Variants in PIP4K2A observed in about 807,000 individuals in gnomAD.
PIP4K2A encodes the protein phosphatidylinositol-5-phosphate 4-kinase type 2 alpha, also known as phosphatidylinositol 5-phosphate 4-kinase type-2 alpha.
In PIP4K2A, 14 loss-of-function variants were observed where a neutral mutation model predicts 42.9. The observed-to-expected ratio is 0.33, with a 90% CI of 0.22 to 0.51. The LOEUF (loss-of-function observed/expected upper bound fraction) is 0.51. Ranked by LOEUF, PIP4K2A falls within the 20% of genes least tolerant of loss-of-function variation. The pLI is 0.97. For missense variants in PIP4K2A, 434 were observed against 519.8 expected, an observed-to-expected ratio of 0.83 and a Z score of 1.61; for synonymous variants, 192 against 192.2, an observed-to-expected ratio of 1.00 and a Z score of 0.01.
At chr10:22,590,799 G>A (rs1837492877) in intron 4 of PIP4K2A, among the ~76,000 whole-genome samples, 1 of 152,200 alleles carries the variant, frequency 6.6e-6, no homozygotes, top group Non-Finnish European at 1.5e-5. Flanking sequence ...GAGCCCAGGA[G>A]GTTGAGCATG....
rs1564408843 is a variant in PIP4K2A, at chr10:22,536,713, C to CTAA, written c.*487_*488insTTA. 1.9e-4 allele frequency: 1 copy of CTAA among 5,308 alleles called. No homozygotes were observed. The highest frequency in any genetic ancestry group is 4.7e-4 in the African/African-American group (1 of 2,142). 0.3% of individuals were successfully genotyped at this position (5,308 alleles called of 1,614,324 possible). On this transcript the variant is annotated 3_prime_UTR_variant, in exon 10 of 10. Transcript: ENST00000376573. ...GAATACTGTCTCACATCTTTCAACTCCAAAAAAAAAAAAAAAAAAAAAAAA... is the reference window on the plus strand; with the variant it reads ...GAATACTGTCTCACATCTTTCAACTCTAACAAAAAAAAAAAAAAAAAAAAAAAA...
chr10:22,636,726 T>C (rs963972812), intron 1 of PIP4K2A, among the ~76,000 whole-genome samples: 1 of 152,220 alleles, frequency 6.6e-6, no homozygotes, highest in African/African-American at 2.4e-5. Context: ...TGTGGACGAC[T>C]GCATATTAAC....
intron 3 of PIP4K2A, among the ~76,000 whole-genome samples, chr10:22,607,031 A>C (rs1162237915): frequency 7.6e-6 from 1 of 131,526 alleles, no homozygotes; most frequent in East Asian, 2.2e-4. Context: ...TTGAGCACTT[A>C]ACTGTGGAAT....
At chr10:22,619,645 C>A (rs1191617679) in intron 1 of PIP4K2A, among the ~76,000 whole-genome samples, 1 of 152,024 alleles carries the variant, frequency 6.6e-6, no homozygotes, top group East Asian at 1.9e-4. Context: ...CCATGTTAGC[C>A]AGGCTGGTCT....
At position 22,567,992 on chromosome 10, in the gene PIP4K2A, C is replaced by CACTT. The variant is rs1188949685; in HGVS notation, c.640-104_640-103insAAGT. On this transcript the variant is annotated intron_variant, in intron 5 of 9. Transcript: ENST00000376573. ...CAGGCGGAGCAGAGAGCCAGCTCAGCACCCACTCTGCTTCGCAGCCCATGC... is the reference window on the plus strand; with the variant it reads ...CAGGCGGAGCAGAGAGCCAGCTCAGCACTTACCCACTCTGCTTCGCAGCCCATGC... The CACTT allele has an allele frequency of 2.9e-6, 3 of 1,020,868 alleles. No individual in the cohort carries two copies. In the African/African-American group the frequency reaches 4.7e-5, roughly 16 times the overall value. The allele number at this position is 1,020,868 out of a possible 1,614,324, so 63.2% of individuals were successfully genotyped here.
chr10:22,668,444 T>C (rs1163975996), intron 1 of PIP4K2A, among the ~76,000 whole-genome samples: 3 of 152,206 alleles, frequency 2.0e-5, no homozygotes, highest in Non-Finnish European at 4.4e-5. Flanking sequence ...TGTTTTTTAA[T>C]GGTATGCTAG....
At chr10:22,678,468 G>C (rs146375292) in intron 1 of PIP4K2A, among the ~76,000 whole-genome samples, 1 of 151,770 alleles carries the variant, frequency 6.6e-6, no homozygotes, top group Non-Finnish European at 1.5e-5. Flanking sequence ...TTCCTTTGTC[G>C]TTCTATGGGG....
intron 6 of PIP4K2A, among the ~76,000 whole-genome samples, chr10:22,558,437 A>G (rs1182816244): frequency 2.0e-5 from 3 of 152,228 alleles, no homozygotes; most frequent in Admixed American, 6.5e-5. Flanking sequence ...TTCTGGGGTA[A>G]TAAGAGATGC....
At chr10:22,628,909 A>G (rs764074401) in intron 1 of PIP4K2A, among the ~76,000 whole-genome samples, 33 of 152,180 alleles carry the variant, frequency 2.2e-4, no homozygotes, top group Non-Finnish European at 2.9e-4. Context: ...CCAAAAGGGA[A>G]AATGGTAGAA....
At chr10:22,568,809 C>G (rs1836911045) in intron 5 of PIP4K2A, among the ~76,000 whole-genome samples, 1 of 152,158 alleles carries the variant, frequency 6.6e-6, no homozygotes, top group African/African-American at 2.4e-5. Flanking sequence ...ATCACGGTGT[C>G]TCATACACAG....
At chr10:22,562,543 C>T (rs185256057) in intron 6 of PIP4K2A, among the ~76,000 whole-genome samples, 122 of 151,984 alleles carry the variant, frequency 8.0e-4, no homozygotes, top group African/African-American at 1.9e-3. Flanking sequence ...AGCGAGACTC[C>T]GTCTCGAAAA....
At chr10:22,600,441 C>T (rs1031083756) in intron 3 of PIP4K2A, among the ~76,000 whole-genome samples, 2 of 152,054 alleles carry the variant, frequency 1.3e-5, no homozygotes, top group East Asian at 3.9e-4. Context: ...AGCACTGTGT[C>T]CCTCTCCTCA....
intron 5 of PIP4K2A, chr10:22,569,045 G>A: frequency 6.5e-7 from 1 of 1,535,090 alleles, no homozygotes; most frequent in Non-Finnish European, 8.7e-7. Flanking sequence ...GTGGCTTTTA[G>A]ATTGGCCATC....
At chr10:22,607,178 T>C (rs936739426) in intron 3 of PIP4K2A, among the ~76,000 whole-genome samples, 1 of 152,236 alleles carries the variant, frequency 6.6e-6, no homozygotes, top group Non-Finnish European at 1.5e-5. Flanking sequence ...CATTTACGAA[T>C]CTGGCTCGCT....
At chr10:22,653,697 T>C (rs1839038459) in intron 1 of PIP4K2A, among the ~76,000 whole-genome samples, 1 of 152,076 alleles carries the variant, frequency 6.6e-6, no homozygotes, top group Non-Finnish European at 1.5e-5. Flanking sequence ...GTGGATCACT[T>C]GAGGCCAGGA....
chr10:22,611,467 T>C (rs1177250905), intron 1 of PIP4K2A, among the ~76,000 whole-genome samples: 1 of 148,278 alleles, frequency 6.7e-6, no homozygotes, highest in African/African-American at 2.5e-5. Context: ...TAAGTAAGAA[T>C]ACTCAAAGCA....
At chr10:22,636,672 G>C (rs187494158) in intron 1 of PIP4K2A, among the ~76,000 whole-genome samples, 1 of 152,326 alleles carries the variant, frequency 6.6e-6, no homozygotes, top group East Asian at 1.9e-4. Flanking sequence ...TGTCCTTCAA[G>C]TCTGTAGTAC....
intron 1 of PIP4K2A, among the ~76,000 whole-genome samples, chr10:22,686,067 C>T (rs914019420): frequency 2.0e-5 from 3 of 152,152 alleles, no homozygotes; most frequent in Admixed American, 1.3e-4. Context: ...TGCAAACTTC[C>T]GACAGTGCCC....
At chr10:22,625,575 G>A (rs998519629) in intron 1 of PIP4K2A, among the ~76,000 whole-genome samples, 1 of 152,130 alleles carries the variant, frequency 6.6e-6, no homozygotes, top group South Asian at 2.1e-4. Flanking sequence ...TTACCCCAGG[G>A]ATGAGGAAAC....
Sources: gnomAD v4.1 joint callset for allele counts (sites outside exome capture counted in the v4.1 genomes callset) on GRCh38, gnomAD v4.1.1 for gene constraint, MANE v1.5 for transcripts, NCBI Gene and HGNC (gene_info 2026-07-23, HGNC 2026-07-21) for gene names.